C16orf74: variants seen among roughly 807,000 people sequenced by gnomAD.
C16orf74 encodes uncharacterized protein C16orf74.
C16orf74 carries 10 observed loss-of-function variants against 6.5 expected under a neutral mutation model. The observed-to-expected ratio is 1.54, with a 90% CI of 0.95 to 2.61. C16orf74 has a LOEUF of 2.61. Ranked by LOEUF, C16orf74 falls within the 30% of genes most tolerant of loss-of-function variation. C16orf74 has a pLI of 0.00. For missense variants in C16orf74, 141 were observed against 105.9 expected, an observed-to-expected ratio of 1.33 and a Z score of -1.45; for synonymous variants, 60 against 42.5, an observed-to-expected ratio of 1.41 and a Z score of -1.60.
At position 85,719,783 on chromosome 16, in the gene C16orf74, C is replaced by G. The variant is rs901400730; in HGVS notation, c.29-9476G>C. On this transcript the variant is annotated intron_variant, in intron 2 of 3. Transcript: ENST00000284245. The stretch of plus-strand genomic sequence containing the variant: ...ACACACAAAGGCCCTGAGGCAGGAA[C>G]AGAGGGGCCACAGGCCACAGCACAC... 4.6e-5 allele frequency among the ~76,000 whole-genome samples: 7 copies of G among 151,192 alleles called. No homozygotes were observed. In the East Asian group the frequency reaches 1.4e-3, roughly 29 times the overall value.
chr16:85,743,213 CT>C, intron 1 of C16orf74: 1 of 152,302 alleles, frequency 6.6e-6, no homozygotes, highest in East Asian at 1.9e-4. Context: ...GGAGTTACAG[CT>C]TTGATTCTAC....
At chr16:85,735,133 C>A (rs982477052) in intron 2 of C16orf74, 57 bp downstream of exon 2, 17 of 1,544,318 alleles carry the variant, frequency 1.1e-5, no homozygotes, top group South Asian at 8.2e-5. Flanking sequence ...CTCCTGCCCC[C>A]CAACCCAGCA....
At chr16:85,746,469 A>C (rs1567814891) in intron 1 of C16orf74, among the ~76,000 whole-genome samples, 1 of 152,216 alleles carries the variant, frequency 6.6e-6, no homozygotes, top group Non-Finnish European at 1.5e-5. Context: ...TGGCTGTCCC[A>C]GATGGGGACC....
intron 1 of C16orf74, among the ~76,000 whole-genome samples, chr16:85,739,920 C>A (rs2054284314): frequency 6.6e-6 from 1 of 152,088 alleles, no homozygotes; most frequent in Admixed American, 6.6e-5. Context: ...AAGAAATGGT[C>A]CTTGCTCGGC....
chr16:85,716,879 G>C (rs1477263469), intron 2 of C16orf74, among the ~76,000 whole-genome samples: 2 of 152,304 alleles, frequency 1.3e-5, no homozygotes, highest in East Asian at 1.9e-4. Flanking sequence ...CAGACAAGGA[G>C]CTCATTTGTG....
intron 2 of C16orf74, among the ~76,000 whole-genome samples, chr16:85,722,807 G>A (rs2054095830): frequency 6.6e-6 from 1 of 152,254 alleles, no homozygotes; most frequent in Non-Finnish European, 1.5e-5. Context: ...TGCAGTGACA[G>A]GTCCCTCAGC....
chr16:85,724,475 G>C (rs1410806684), intron 2 of C16orf74, among the ~76,000 whole-genome samples: 1 of 152,202 alleles, frequency 6.6e-6, no homozygotes, highest in Non-Finnish European at 1.5e-5. Context: ...CCTCAGGTGG[G>C]AGCTTTACCA....
chr16:85,722,246 G>A (rs779989016), intron 2 of C16orf74, among the ~76,000 whole-genome samples: 4 of 152,124 alleles, frequency 2.6e-5, no homozygotes, highest in Non-Finnish European at 5.9e-5. Context: ...GGAAGGTGTC[G>A]AATGGCAGGC....
chr16:85,750,815 G>A (rs975582840), intron 1 of C16orf74, 111 bp downstream of exon 1: 1 of 152,058 alleles, frequency 6.6e-6, no homozygotes, highest in Non-Finnish European at 1.5e-5. Context: ...CCGCGCCCCT[G>A]CAGCGGCTAG....
chr16:85,736,014 T>G (rs1046057206), intron 1 of C16orf74, among the ~76,000 whole-genome samples: 3 of 152,040 alleles, frequency 2.0e-5, no homozygotes, highest in African/African-American at 4.8e-5. Flanking sequence ...ACTGTGGAGC[T>G]GAGACTCGAA....
intron 2 of C16orf74, among the ~76,000 whole-genome samples, chr16:85,727,109 G>C (rs2054141652): frequency 6.6e-6 from 1 of 152,248 alleles, no homozygotes; most frequent in Admixed American, 6.5e-5. Flanking sequence ...ACCTGGGCCA[G>C]CGCCCAGTGC....
intron 1 of C16orf74, among the ~76,000 whole-genome samples, chr16:85,735,445 C>T (rs533086672): frequency 2.0e-5 from 3 of 152,318 alleles, no homozygotes; most frequent in Non-Finnish European, 2.9e-5. Context: ...AAAAAACTTA[C>T]GGGTGCCTCA....
chr16:85,710,469 G>A (rs890070347), intron 2 of C16orf74, 162 bp from the exon 3 acceptor site: 6 of 575,068 alleles, frequency 1.0e-5, no homozygotes, highest in East Asian at 3.5e-5. Flanking sequence ...GATGAAAACC[G>A]GCGTCTCAGG....
chr16:85,710,378 A>C (rs2053957810), intron 2 of C16orf74, 71 bp from the exon 3 acceptor site: 7 of 1,399,958 alleles, frequency 5.0e-6, no homozygotes, highest in Admixed American at 3.8e-5. Flanking sequence ...GGCCGCCGGG[A>C]ACCGCGGGCG....
chr16:85,744,518 T>C (rs2054347671), intron 1 of C16orf74, among the ~76,000 whole-genome samples: 1 of 152,156 alleles, frequency 6.6e-6, no homozygotes, highest in Non-Finnish European at 1.5e-5. Flanking sequence ...GGTTCTTTCT[T>C]GCACCCAGGC....
intron 1 of C16orf74, among the ~76,000 whole-genome samples, chr16:85,735,837 T>C (rs933868807): frequency 5.3e-5 from 8 of 152,122 alleles, no homozygotes; most frequent in African/African-American, 9.6e-5. Flanking sequence ...TTCTAAGCAA[T>C]TGAAAAATAG....
intron 2 of C16orf74, among the ~76,000 whole-genome samples, chr16:85,729,198 C>G (rs1052977569): frequency 6.6e-6 from 1 of 152,214 alleles, no homozygotes; most frequent in Non-Finnish European, 1.5e-5. Context: ...TGAGAGGTCC[C>G]CTGTGCCTCA....
Position 85,725,769 on chromosome 16 carries a change from A to G in C16orf74, c.28+9421T>C, listed in dbSNP as rs558683447. On this transcript the variant is annotated intron_variant, in intron 2 of 3. Transcript: ENST00000284245. ...CAGGCGCATGCTACCACACCCAACT[A>G]ATGTTTCTATTCTTTGTAGAGATGG... 5.9e-5 allele frequency among the ~76,000 whole-genome samples: 9 copies of G among 151,914 alleles called. No individual in the cohort carries two copies. In the South Asian group the frequency reaches 1.9e-3, roughly 32 times the overall value.
chr16:85,744,652 A>C (rs1263769220), intron 1 of C16orf74, among the ~76,000 whole-genome samples: 2 of 151,680 alleles, frequency 1.3e-5, no homozygotes, highest in Non-Finnish European at 2.9e-5. Context: ...AACACGGTGA[A>C]ACCCTGTCTC....
Sources: gnomAD v4.1 joint callset for allele counts (sites outside exome capture counted in the v4.1 genomes callset) on GRCh38, gnomAD v4.1.1 for gene constraint, MANE v1.5 for transcripts, NCBI Gene and HGNC (gene_info 2026-07-23, HGNC 2026-07-21) for gene names.